Variants in DNER observed in about 807,000 individuals in gnomAD.
DNER encodes the protein delta and Notch-like epidermal growth factor-related receptor.
Under a neutral mutation model 78.2 loss-of-function variants are expected in DNER, and 33 were observed. The observed-to-expected ratio is 0.42, with a 90% CI of 0.32 to 0.56. The LOEUF (loss-of-function observed/expected upper bound fraction) is 0.56. DNER is among the 20% of genes least tolerant of loss of function. DNER has a pLI of 0.11. For missense variants in DNER, 918 were observed against 975.3 expected, an observed-to-expected ratio of 0.94 and a Z score of 0.78; for synonymous variants, 417 against 384.8, an observed-to-expected ratio of 1.08 and a Z score of -0.98.
intron 1 of DNER, among the ~76,000 whole-genome samples, chr2:229,613,362 C>T (rs1158410984): frequency 6.6e-6 from 1 of 152,220 alleles, no homozygotes; most frequent in Non-Finnish European, 1.5e-5. Flanking sequence ...ACCTGAATTA[C>T]AGTCACAGCA....
intron 6 of DNER, among the ~76,000 whole-genome samples, chr2:229,504,391 T>C (rs1341669346): frequency 6.6e-6 from 1 of 152,016 alleles, no homozygotes; most frequent in Non-Finnish European, 1.5e-5. Context: ...GGCTAATTTT[T>C]GTATTTTTAG....
chr2:229,681,567 CA>C (rs1296125415), intron 1 of DNER, among the ~76,000 whole-genome samples: 3 of 152,016 alleles, frequency 2.0e-5, no homozygotes, highest in Non-Finnish European at 4.4e-5. Context: ...CCCACACCAC[CA>C]AAAAACACCA....
At chr2:229,422,432 C>T (rs374243218) in intron 8 of DNER, among the ~76,000 whole-genome samples, 47 of 152,280 alleles carry the variant, frequency 3.1e-4, no homozygotes, top group African/African-American at 9.1e-4. Flanking sequence ...GATTTGCTCC[C>T]GAATAATCAG....
intron 5 of DNER, among the ~76,000 whole-genome samples, chr2:229,535,353 T>C (rs1048889185): frequency 1.3e-5 from 2 of 152,132 alleles, no homozygotes; most frequent in Non-Finnish European, 2.9e-5. Flanking sequence ...TATAACTCAA[T>C]AGGCAGAAAA....
intron 8 of DNER, among the ~76,000 whole-genome samples, chr2:229,438,088 C>G (rs1694160817): frequency 6.6e-6 from 1 of 152,200 alleles, no homozygotes; most frequent in African/African-American, 2.4e-5. Context: ...ACAGGTAGTT[C>G]TCAGCATCAA....
At chr2:229,491,992 C>T (rs980323643) in intron 6 of DNER, among the ~76,000 whole-genome samples, 1 of 151,822 alleles carries the variant, frequency 6.6e-6, no homozygotes, top group Non-Finnish European at 1.5e-5. Context: ...CACAGACACA[C>T]AAACACACTA....
At chr2:229,564,006 T>C (rs1299513461) in intron 4 of DNER, among the ~76,000 whole-genome samples, 3 of 111,910 alleles carry the variant, frequency 2.7e-5, no homozygotes, top group African/African-American at 3.5e-5. Context: ...CCTCACCCCA[T>C]CACCATCATC....
chr2:229,587,527 G>A (rs538389374), intron 3 of DNER, among the ~76,000 whole-genome samples: 316 of 152,306 alleles, frequency 2.1e-3, no homozygotes, highest in African/African-American at 7.1e-3. Flanking sequence ...TGGATACATG[G>A]AAGAGACCTA....
chr2:229,570,896 A>T (rs1697207775), intron 4 of DNER, among the ~76,000 whole-genome samples: 1 of 152,136 alleles, frequency 6.6e-6, no homozygotes, highest in African/African-American at 2.4e-5. Context: ...GGAAGCCAGG[A>T]TCAGAGAATT....
intron 6 of DNER, among the ~76,000 whole-genome samples, chr2:229,492,988 C>T (rs78130428): frequency 0.12 from 18,997 of 152,068 alleles, 1,328 homozygotes; most frequent in South Asian, 0.2. Context: ...CTTTTTAAAA[C>T]CTGCTTTCAT....
intron 10 of DNER, among the ~76,000 whole-genome samples, chr2:229,389,696 T>C (rs1336578930): frequency 6.6e-6 from 1 of 152,230 alleles, no homozygotes; most frequent in Non-Finnish European, 1.5e-5. Flanking sequence ...AAAACCACTT[T>C]ATGTCACTCA....
At chr2:229,381,942 G>A (rs1015952240) in intron 11 of DNER, among the ~76,000 whole-genome samples, 5 of 152,192 alleles carry the variant, frequency 3.3e-5, no homozygotes, top group Non-Finnish European at 7.3e-5. Flanking sequence ...AGGACAGGCT[G>A]CCTCCTCAAG....
At chr2:229,470,904 C>T (rs1169451225) in intron 7 of DNER, among the ~76,000 whole-genome samples, 4 of 152,054 alleles carry the variant, frequency 2.6e-5, no homozygotes, top group Non-Finnish European at 4.4e-5. Context: ...AATCTTAATA[C>T]CCTGCTTTGA....
At chr2:229,488,245 G>C (rs1001306956) in intron 6 of DNER, among the ~76,000 whole-genome samples, 1 of 152,224 alleles carries the variant, frequency 6.6e-6, no homozygotes, top group Non-Finnish European at 1.5e-5. Context: ...CTAGTGTTTA[G>C]AGGCTACAAA....
At chr2:229,520,243 C>T (rs757807262) in intron 5 of DNER, among the ~76,000 whole-genome samples, 6 of 152,142 alleles carry the variant, frequency 3.9e-5, no homozygotes, top group South Asian at 4.1e-4. Context: ...CTCTGATATC[C>T]TGGGTTTGGC....
intron 1 of DNER, among the ~76,000 whole-genome samples, chr2:229,697,536 T>C (rs549032934): frequency 2.2e-4 from 34 of 152,358 alleles, no homozygotes; most frequent in African/African-American, 8.2e-4. Context: ...CAGATATACC[T>C]GGGATGGTTT....
chr2:229,609,370 G>C (rs148510596), intron 1 of DNER, among the ~76,000 whole-genome samples: 13 of 152,310 alleles, frequency 8.5e-5, no homozygotes, highest in African/African-American at 3.1e-4. Flanking sequence ...AGGCAAGAAT[G>C]ATTTTTATGC....
chr2:229,397,463 C>CAAAAAAA (rs763572496), intron 10 of DNER, among the ~76,000 whole-genome samples: 9 of 96,600 alleles, frequency 9.3e-5, no homozygotes, highest in African/African-American at 1.9e-4. Context: ...CCAAACACTA[C>CAAAAAAA]AAAAAAAAAA....
intron 1 of DNER, among the ~76,000 whole-genome samples, chr2:229,621,523 G>A (rs770846142): frequency 5.3e-5 from 8 of 151,342 alleles, no homozygotes; most frequent in Non-Finnish European, 1.0e-4. Flanking sequence ...GAGGATCTGA[G>A]GCCACCTGGA....
Sources: gnomAD v4.1 joint callset for allele counts (sites outside exome capture counted in the v4.1 genomes callset) on GRCh38, gnomAD v4.1.1 for gene constraint, MANE v1.5 for transcripts, NCBI Gene and HGNC (gene_info 2026-07-23, HGNC 2026-07-21) for gene names.